The following TJP2 variants were observed in gnomAD, a reference collection of about 807,000 sequenced individuals.
TJP2 encodes tight junction protein 2, also known as Friedreich ataxia region gene X104 (tight junction protein ZO-2).
Under a neutral mutation model 133.1 loss-of-function variants are expected in TJP2, and 91 were observed. That is an observed-to-expected ratio of 0.68 (90% CI 0.58 to 0.81). The LOEUF (loss-of-function observed/expected upper bound fraction) is 0.81, where lower values mean the gene tolerates loss of function less well. TJP2 is among the 40% of genes least tolerant of loss of function. The pLI is 0.00. For missense variants in TJP2, 1,541 were observed against 1,565.6 expected (o/e 0.98, Z 0.26); for synonymous variants, 592 against 583.4 (o/e 1.01, Z -0.21).
intron 1 of TJP2, among the ~76,000 whole-genome samples, chr9:69,181,168 T>C (rs1239330388): frequency 6.6e-6 from 1 of 151,810 alleles, no homozygotes; most frequent in Non-Finnish European, 1.5e-5. Context: ...TGTAATGGCA[T>C]GGAAGCAGCA....
intron 1 of TJP2, among the ~76,000 whole-genome samples, chr9:69,183,207 C>T (rs1333647576): frequency 6.6e-6 from 1 of 152,156 alleles, no homozygotes; most frequent in Non-Finnish European, 1.5e-5. Context: ...ATTTTGTAAA[C>T]ACCATCACTC....
At chr9:69,230,374 T>A in intron 11 of TJP2, 142 bp downstream of exon 11, 1 of 1,032,964 alleles carries the variant, frequency 9.7e-7, no homozygotes, top group Non-Finnish European at 1.5e-6. Context: ...CATTGAAGTC[T>A]CTGTATTCCT....
intron 1 of TJP2, among the ~76,000 whole-genome samples, chr9:69,144,083 G>A (rs1405414605): frequency 6.6e-6 from 1 of 152,088 alleles, no homozygotes; most frequent in South Asian, 2.1e-4. Flanking sequence ...GCTTACTGCA[G>A]CCTCGAACTT....
intron 1 of TJP2, among the ~76,000 whole-genome samples, chr9:69,148,411 G>A (rs1475654537): frequency 2.1e-5 from 3 of 139,698 alleles, no homozygotes; most frequent in East Asian, 2.1e-4. Context: ...ACACTTTGTC[G>A]CCCAGGAGGC....
At chr9:69,179,768 GGATT>G (rs771055343) in intron 1 of TJP2, among the ~76,000 whole-genome samples, 1 of 152,066 alleles carries the variant, frequency 6.6e-6, no homozygotes, top group Non-Finnish European at 1.5e-5. Context: ...CAAAGTGCTG[GGATT>G]AGAGGTGTGA....
At chr9:69,205,114 G>C (rs1312435868) in intron 1 of TJP2, 1 of 1,535,192 alleles carries the variant, frequency 6.5e-7, no homozygotes, top group Non-Finnish European at 8.7e-7. Flanking sequence ...AAATGGGTGA[G>C]CAGCCCGGAA....
chr9:69,217,237 C>T (rs1828458439), intron 3 of TJP2, among the ~76,000 whole-genome samples: 1 of 152,140 alleles, frequency 6.6e-6, no homozygotes, highest in South Asian at 2.1e-4. Flanking sequence ...GTGATCTGCC[C>T]ACCTCGGCCT....
chr9:69,230,362 A>G lies in TJP2; in HGVS notation c.1671+130A>G, dbSNP rs976836920. On this transcript the variant is annotated intron_variant, in intron 11 of 22. Transcript: ENST00000377245. ...AGCAGCTGCAAGTTTGTTGATGCCC[A>G]GCATTGAAGTCTCTGTATTCCTCAA... 5 of 1,155,060 alleles carry G rather than the reference A, an allele frequency of 4.3e-6. No homozygotes were observed. In the African/African-American group the frequency reaches 6.0e-5, roughly 14 times the overall value. 71.6% of individuals were successfully genotyped at this position (1,155,060 alleles called of 1,614,324 possible).
chr9:69,239,580 G>A (rs1830442324), intron 16 of TJP2, among the ~76,000 whole-genome samples: 1 of 152,296 alleles, frequency 6.6e-6, no homozygotes, highest in African/African-American at 2.4e-5. Context: ...GGAGGCAGAG[G>A]CGGGCGGATC....
intron 1 of TJP2, chr9:69,145,687 G>A: frequency 8.2e-7 from 1 of 1,226,360 alleles, no homozygotes; most frequent in Non-Finnish European, 1.0e-6. Flanking sequence ...ACAGGACCTT[G>A]TACCGAGAGA....
rs199597127 is a variant in TJP2, at chr9:69,254,284, C to T, written c.3483C>T (p.Ala1161=). ...QDTRGSYGSD[A]EEEEYRQQLS... Reference sequence around the variant, plus strand: ...CCAGAGGAAGTTATGGCAGTGATGCCGAGGAGGAGGAGTACCGCCAGCAGC... The same window carrying T: ...CCAGAGGAAGTTATGGCAGTGATGCTGAGGAGGAGGAGTACCGCCAGCAGC... Residue 1161 remains alanine, a synonymous_variant, in exon 23 of 23, where the codon GCC becomes GCT. Coordinates refer to ENST00000377245, the MANE Select transcript of TJP2 (RefSeq NM_004817.4). 21 of 1,614,096 alleles carry T rather than the reference C, an allele frequency of 1.3e-5. No homozygotes were observed. In the East Asian group the frequency reaches 1.3e-4, roughly 10 times the overall value.
At position 69,221,508 on chromosome 9, in the gene TJP2, T is replaced by A; in HGVS notation, c.952+12T>A. ...CAGAGCGAACGAAGGTAGGCATGCT[T>A]GATGTGGGAAGAAAAGCACTGTTGT... On this transcript the variant is annotated intron_variant, in intron 5 of 22. Coordinates refer to ENST00000377245, the MANE Select transcript of TJP2 (RefSeq NM_004817.4). 1 of 1,600,108 alleles carries A rather than the reference T, an allele frequency of 6.2e-7. No individual in the cohort carries two copies. Among genetic ancestry groups the A allele is most frequent in the Non-Finnish European group, 8.5e-7 (1 of 1,172,946 alleles).
At chr9:69,169,250 A>G (rs58952707) in intron 2 of TJP2, among the ~76,000 whole-genome samples, 3,106 of 151,700 alleles carry the variant, frequency 0.02, 94 homozygotes, top group African/African-American at 0.071. Context: ...CCCAGGGTAT[A>G]TGGTAGGCAT....
chr9:69,251,008 G>GT, intron 20 of TJP2, 27 bp from the exon 21 acceptor site: 1 of 1,602,126 alleles, frequency 6.2e-7, no homozygotes, highest in Non-Finnish European at 8.6e-7. Context: ...AAAGCCCAGG[G>GT]TGAAAACGTG....
chr9:69,149,701 C>A (rs1031006190), intron 1 of TJP2, among the ~76,000 whole-genome samples: 6 of 152,170 alleles, frequency 3.9e-5, no homozygotes, highest in Admixed American at 1.3e-4. Flanking sequence ...ACAAGCTCAA[C>A]CCAGAAAGGA....
At chr9:69,178,893 C>T (rs1341395437) in intron 1 of TJP2, among the ~76,000 whole-genome samples, 1 of 152,114 alleles carries the variant, frequency 6.6e-6, no homozygotes, top group African/African-American at 2.4e-5. Context: ...AGAATGTGGA[C>T]AGCCAAACAG....
In TJP2 at chr9:69,123,740, C is replaced by T. The variant is rs1209520002; in HGVS notation, c.-131+2015C>T. ...TGGAATGGAGTTACCCAGTGCTCAA[C>T]CTGCTCTAATTAACTAGGCATAGAT... On this transcript the variant is annotated intron_variant, in intron 1 of 5. Coordinates refer to the TJP2 transcript ENST00000423935. Among the ~76,000 whole-genome samples the T allele has an allele frequency of 5.1e-5, 4 of 77,682 alleles. 1 individual carries two copies. Among genetic ancestry groups the T allele is most frequent in the African/African-American group, 1.6e-4 (4 of 25,602 alleles). 51.0% of individuals were successfully genotyped at this position (77,682 alleles called of 152,430 possible). A position where few individuals can be genotyped will look rare whatever the true frequency, so the allele number is the denominator to read the frequency against.
chr9:69,190,835 A>G (rs1478925238), intron 1 of TJP2, among the ~76,000 whole-genome samples: 3 of 152,146 alleles, frequency 2.0e-5, no homozygotes, highest in Admixed American at 1.3e-4. Flanking sequence ...CTAGCTAAGA[A>G]CTGTTCTTGC....
intron 1 of TJP2, among the ~76,000 whole-genome samples, chr9:69,133,582 C>T (rs868227355): frequency 1.6e-5 from 2 of 128,332 alleles, no homozygotes; most frequent in Non-Finnish European, 3.1e-5. Context: ...GACAGGGTCT[C>T]GCTCTGTCAC....
Sources: gnomAD v4.1 joint callset for allele counts (sites outside exome capture counted in the v4.1 genomes callset) on GRCh38, gnomAD v4.1.1 for gene constraint, MANE v1.5 for transcripts, NCBI Gene and HGNC (gene_info 2026-07-23, HGNC 2026-07-21) for gene names.